DIS3L2: variants seen among roughly 807,000 people sequenced by gnomAD.
DIS3L2 encodes DIS3-like exonuclease 2.
A neutral mutation model predicts 97.5 loss-of-function variants in DIS3L2; 34 were observed. That is an observed-to-expected ratio of 0.35 (90% CI 0.27 to 0.46). The LOEUF (loss-of-function observed/expected upper bound fraction) is 0.46. DIS3L2 is among the 20% of genes least tolerant of loss of function. The pLI, the probability that DIS3L2 is intolerant of heterozygous loss-of-function variation, is 1.00. For missense variants in DIS3L2, 1,038 were observed against 1,146.0 expected (o/e 0.91, Z 1.36); for synonymous variants, 435 against 445.2 (o/e 0.98, Z 0.29).
At chr2:232,184,716 G>A (rs1691389831) in intron 9 of DIS3L2, among the ~76,000 whole-genome samples, 1 of 152,186 alleles carries the variant, frequency 6.6e-6, no homozygotes, top group Non-Finnish European at 1.5e-5. Context: ...TTATTCCTAA[G>A]ATTAGTAGTG....
chr2:232,024,390 G>T (rs999217652), intron 4 of DIS3L2, 60 bp downstream of exon 4: 38 of 1,303,756 alleles, frequency 2.9e-5, no homozygotes, highest in Non-Finnish European at 4.0e-5. Flanking sequence ...GATCTGCTCC[G>T]AAACTGAAAT....
intron 1 of DIS3L2, among the ~76,000 whole-genome samples, chr2:231,983,407 A>T (rs893855287): frequency 6.6e-6 from 1 of 152,072 alleles, no homozygotes; most frequent in Non-Finnish European, 1.5e-5. Context: ...TAAAACAGGG[A>T]TCCTGAACTG....
chr2:232,240,784 G>A (rs1027264080), intron 11 of DIS3L2, among the ~76,000 whole-genome samples: 1 of 152,192 alleles, frequency 6.6e-6, no homozygotes, highest in Non-Finnish European at 1.5e-5. Flanking sequence ...AGTACATGGG[G>A]CTTCCTCCCT....
intron 1 of DIS3L2, among the ~76,000 whole-genome samples, chr2:231,988,740 T>G (rs1298342680): frequency 6.6e-6 from 1 of 152,080 alleles, no homozygotes; most frequent in Non-Finnish European, 1.5e-5. Flanking sequence ...GTCCTGAGAG[T>G]AGTAGGCATT....
intron 13 of DIS3L2, among the ~76,000 whole-genome samples, chr2:232,298,723 G>A (rs1694782585): frequency 6.6e-6 from 1 of 152,306 alleles, no homozygotes; most frequent in Non-Finnish European, 1.5e-5. Flanking sequence ...CTAATGTGCA[G>A]TTAATTTTAG....
intron 5 of DIS3L2, among the ~76,000 whole-genome samples, chr2:232,039,540 G>A (rs951603322): frequency 2.6e-5 from 4 of 152,098 alleles, no homozygotes; most frequent in Non-Finnish European, 5.9e-5. Context: ...TTCACAGCAT[G>A]ATTTTTGGCA....
chr2:232,217,856 C>T (rs980125413), intron 10 of DIS3L2, among the ~76,000 whole-genome samples: 1 of 152,108 alleles, frequency 6.6e-6, no homozygotes, highest in Non-Finnish European at 1.5e-5. Flanking sequence ...AGGCTTCATT[C>T]GATAGGCATG....
intron 10 of DIS3L2, among the ~76,000 whole-genome samples, chr2:232,224,820 T>C (rs999545399): frequency 4.7e-5 from 7 of 147,982 alleles, no homozygotes; most frequent in African/African-American, 1.8e-4. Flanking sequence ...CCTGGGCAAC[T>C]GAGTGAGACT....
At chr2:232,086,328 CATATGT>C (rs1696593744) in intron 5 of DIS3L2, among the ~76,000 whole-genome samples, 1 of 143,418 alleles carries the variant, frequency 7.0e-6, no homozygotes, top group Non-Finnish European at 1.5e-5. Context: ...TATGCATATG[CATATGT>C]ATATATACAT....
At chr2:232,033,429 T>G (rs1694864786) in intron 5 of DIS3L2, among the ~76,000 whole-genome samples, 1 of 152,208 alleles carries the variant, frequency 6.6e-6, no homozygotes, top group Admixed American at 6.5e-5. Flanking sequence ...AGAGATAATT[T>G]GACTTCCTCT....
intron 5 of DIS3L2, among the ~76,000 whole-genome samples, chr2:232,080,467 C>T (rs1049319242): frequency 6.6e-6 from 1 of 152,112 alleles, no homozygotes; most frequent in Non-Finnish European, 1.5e-5. Context: ...ATCATTTCAT[C>T]CCTGAATACT....
downstream of DIS3L2, among the ~76,000 whole-genome samples, chr2:232,337,539 C>G (rs1206474268): frequency 2.0e-5 from 3 of 151,902 alleles, no homozygotes; most frequent in Non-Finnish European, 4.4e-5. Flanking sequence ...GCCTCAGTCC[C>G]GAGCAGAGCT....
At chr2:232,339,875 G>T (rs1696067311), downstream of DIS3L2, among the ~76,000 whole-genome samples, 1 of 152,180 alleles carries the variant, frequency 6.6e-6, no homozygotes, top group Non-Finnish European at 1.5e-5. Flanking sequence ...GTCCCGGGAG[G>T]ACCTGGGAGG....
intron 12 of DIS3L2, among the ~76,000 whole-genome samples, chr2:232,262,431 C>G (rs941863369): frequency 3.3e-5 from 5 of 152,198 alleles, no homozygotes. Flanking sequence ...CTGGCACCAC[C>G]ACTAAACTTG....
chr2:232,085,059 C>G (rs944107727), intron 5 of DIS3L2, among the ~76,000 whole-genome samples: 1 of 152,102 alleles, frequency 6.6e-6, no homozygotes, highest in Admixed American at 6.6e-5. Context: ...TAAGCATGAT[C>G]TTTGTGTTAC....
chr2:232,233,755 G>T (rs1205183035), intron 10 of DIS3L2, among the ~76,000 whole-genome samples: 3 of 152,326 alleles, frequency 2.0e-5, no homozygotes, highest in South Asian at 2.1e-4. Flanking sequence ...CTCTTGAGTC[G>T]TTCAGACAGT....
intron 14 of DIS3L2, 28 bp from the exon 15 acceptor site, chr2:232,329,785 T>TCCCCGGGGGGGGGCCCCCCC: frequency 1.7e-5 from 16 of 967,118 alleles, no homozygotes; most frequent in Admixed American, 3.4e-5. Context: ...ACCCCAGCGG[T>TCCCCGGGGGGGGGCCCCCCC]CCCTCCCATC....
chr2:232,267,918 A>C (rs1464127463), intron 13 of DIS3L2, among the ~76,000 whole-genome samples: 1 of 151,644 alleles, frequency 6.6e-6, no homozygotes, highest in East Asian at 1.9e-4. Context: ...GTGCCAGAAG[A>C]ATCCCATTAT....
chr2:232,117,619 C>G (rs962045871), intron 6 of DIS3L2, among the ~76,000 whole-genome samples: 2 of 152,202 alleles, frequency 1.3e-5, no homozygotes, highest in Non-Finnish European at 2.9e-5. Context: ...TCCCCTTGCC[C>G]ACCAGGGGCC....
Sources: allele counts gnomAD v4.1 joint callset (sites outside exome capture counted in the v4.1 genomes callset), GRCh38; gene constraint gnomAD v4.1.1; transcripts MANE v1.5; gene names NCBI Gene and HGNC (gene_info 2026-07-23, HGNC 2026-07-21).